The following GRIK1 variants were observed in gnomAD, a reference collection of about 807,000 sequenced individuals.
GRIK1 encodes glutamate ionotropic receptor kainate type subunit 1.
A neutral mutation model predicts 105.7 loss-of-function variants in GRIK1; 69 were observed. The ratio of observed to expected loss-of-function variants is 0.65; its 90% CI spans 0.54 to 0.80. GRIK1 has a LOEUF of 0.80. Ranked by LOEUF, GRIK1 falls within the 30% of genes least tolerant of loss-of-function variation. The pLI is 0.00. For missense variants in GRIK1, 1,109 were observed against 1,167.3 expected (o/e 0.95, Z 0.73); for synonymous variants, 438 against 431.3 (o/e 1.02, Z -0.19).
At chr21:29,852,245 A>G (rs1265555401) in intron 1 of GRIK1, among the ~76,000 whole-genome samples, 1 of 152,184 alleles carries the variant, frequency 6.6e-6, no homozygotes, top group African/African-American at 2.4e-5. Flanking sequence ...CTACTTAAAT[A>G]GTTAGTTCTC....
intron 1 of GRIK1, among the ~76,000 whole-genome samples, chr21:29,782,324 G>A (rs1458761001): frequency 6.6e-6 from 1 of 152,146 alleles, no homozygotes; most frequent in Non-Finnish European, 1.5e-5. Flanking sequence ...CTGACCTTGT[G>A]ATCTGCCCTC....
chr21:29,547,641 C>T (rs1291301583), intron 16 of GRIK1, among the ~76,000 whole-genome samples: 2 of 152,182 alleles, frequency 1.3e-5, no homozygotes, highest in Non-Finnish European at 2.9e-5. Flanking sequence ...GTTCAGAGTT[C>T]GTTTGGTTGA....
intron 1 of GRIK1, among the ~76,000 whole-genome samples, chr21:29,794,899 T>A (rs1296032711): frequency 6.6e-6 from 1 of 151,988 alleles, no homozygotes; most frequent in Non-Finnish European, 1.5e-5. Flanking sequence ...TAATTTATCA[T>A]CCCAAATGAC....
intron 1 of GRIK1, among the ~76,000 whole-genome samples, chr21:29,901,156 T>A (rs1335737296): frequency 6.6e-6 from 1 of 152,134 alleles, no homozygotes; most frequent in Non-Finnish European, 1.5e-5. Flanking sequence ...GAGGGAAATT[T>A]ATAGCACTAA....
At chr21:29,684,329 A>G (rs1362304742) in intron 3 of GRIK1, among the ~76,000 whole-genome samples, 1 of 152,082 alleles carries the variant, frequency 6.6e-6, no homozygotes, top group Non-Finnish European at 1.5e-5. Flanking sequence ...ATATCTATTT[A>G]GCTGTCAACT....
chr21:29,909,455 TTAAA>T (rs1569210394), intron 1 of GRIK1, among the ~76,000 whole-genome samples: 1 of 151,568 alleles, frequency 6.6e-6, no homozygotes, highest in Non-Finnish European at 1.5e-5. Flanking sequence ...AAATAGAATA[TTAAA>T]TAAAATAATT....
chr21:29,904,423 A>G (rs1232399522), intron 1 of GRIK1, among the ~76,000 whole-genome samples: 2 of 152,156 alleles, frequency 1.3e-5, no homozygotes, highest in Non-Finnish European at 2.9e-5. Context: ...AAAATCAGCA[A>G]GAGCAGGGAC....
chr21:29,671,186 A>G (rs1463766943), intron 4 of GRIK1, among the ~76,000 whole-genome samples: 1 of 151,902 alleles, frequency 6.6e-6, no homozygotes, highest in African/African-American at 2.4e-5. Context: ...ACAGTGGCAT[A>G]ATCTTGGCTC....
intron 1 of GRIK1, among the ~76,000 whole-genome samples, chr21:29,934,267 A>C (rs930415785): frequency 2.6e-4 from 39 of 152,336 alleles, no homozygotes; most frequent in African/African-American, 8.9e-4. Flanking sequence ...CCTCACATAT[A>C]AATCACACTC....
At chr21:29,917,339 A>G (rs904832215) in intron 1 of GRIK1, among the ~76,000 whole-genome samples, 2 of 152,082 alleles carry the variant, frequency 1.3e-5, no homozygotes, top group African/African-American at 4.8e-5. Flanking sequence ...CTTCTTGGTC[A>G]GGTTTGCACA....
chr21:29,583,144 C>T (rs117786888), intron 12 of GRIK1, among the ~76,000 whole-genome samples: 2,971 of 152,298 alleles, frequency 0.02, 53 homozygotes, highest in Non-Finnish European at 0.03. Flanking sequence ...AGCTTCTCCA[C>T]AGCTGCAGGG....
At chr21:29,716,395 A>T (rs1220763260) in intron 1 of GRIK1, among the ~76,000 whole-genome samples, 1 of 152,190 alleles carries the variant, frequency 6.6e-6, no homozygotes, top group Admixed American at 6.5e-5. Context: ...AGGAAAATGT[A>T]GGAAAGTTAG....
intron 7 of GRIK1, among the ~76,000 whole-genome samples, chr21:29,607,965 T>A (rs2061655474): frequency 6.6e-6 from 1 of 152,188 alleles, no homozygotes; most frequent in South Asian, 2.1e-4. Context: ...TTCTATTACG[T>A]TTCAGATCGT....
intron 1 of GRIK1, among the ~76,000 whole-genome samples, chr21:29,916,465 G>A (rs1448391798): frequency 6.6e-6 from 1 of 151,856 alleles, no homozygotes; most frequent in Non-Finnish European, 1.5e-5. Flanking sequence ...AATCTATGTA[G>A]CAAGTCATTT....
chr21:29,756,388 A>G (rs1178339926), intron 1 of GRIK1, among the ~76,000 whole-genome samples: 1 of 152,202 alleles, frequency 6.6e-6, no homozygotes, highest in African/African-American at 2.4e-5. Context: ...CTCAAAAAAG[A>G]AAAAATAATG....
chr21:29,620,958 T>C (rs917304239), intron 7 of GRIK1, among the ~76,000 whole-genome samples: 3 of 146,032 alleles, frequency 2.1e-5, no homozygotes, highest in Admixed American at 7.0e-5. Flanking sequence ...ATTTATATAA[T>C]TCTACATATA....
At chr21:29,633,664 C>G (rs946330545) in intron 7 of GRIK1, among the ~76,000 whole-genome samples, 2 of 151,966 alleles carry the variant, frequency 1.3e-5, no homozygotes, top group Admixed American at 1.3e-4. Flanking sequence ...CCTTTAGAAA[C>G]TAATCTATTT....
At chr21:29,569,816 C>T (rs1309577640) in intron 14 of GRIK1, among the ~76,000 whole-genome samples, 7 of 152,154 alleles carry the variant, frequency 4.6e-5, no homozygotes, top group South Asian at 2.1e-4. Context: ...AGAACAGAGC[C>T]GTTGTACATT....
rs80320412 is a variant in GRIK1 at position 29,879,409 on chromosome 21, G to C, written c.118+59974C>G. Among the ~76,000 whole-genome samples the C allele has an allele frequency of 6.0e-3, 919 of 152,080 alleles. 11 individuals carry two copies. Among genetic ancestry groups the C allele is most frequent in the African/African-American group, 0.021 (868 of 41,494 alleles). On this transcript the variant is annotated intron_variant, in intron 1 of 17. Coordinates refer to ENST00000327783, the MANE Select transcript of GRIK1 (RefSeq NM_001330994.2). ...GAGTTAGTGAAAGGCATCCAGAAGG[G>C]ACTTGTATTACACTGGCTACCAAAT... is the stretch of plus-strand genomic sequence containing the variant.
Sources: allele counts gnomAD v4.1 joint callset (sites outside exome capture counted in the v4.1 genomes callset), GRCh38; gene constraint gnomAD v4.1.1; transcripts MANE v1.5; gene names NCBI Gene and HGNC (gene_info 2026-07-23, HGNC 2026-07-21).